ALPK2: variants seen among roughly 807,000 people sequenced by gnomAD.
ALPK2 encodes the protein alpha-protein kinase 2.
In ALPK2, 127 loss-of-function variants were observed where a neutral mutation model predicts 163.1. The observed-to-expected ratio is 0.78, with a 90% CI of 0.67 to 0.90. The LOEUF (loss-of-function observed/expected upper bound fraction) is 0.90, where lower values mean the gene tolerates loss of function less well. Ranked by LOEUF, ALPK2 falls within the 40% of genes least tolerant of loss-of-function variation. The probability of loss-of-function intolerance (pLI) is 0.00; values close to 1 mark genes in which losing one functional copy is unlikely to be tolerated. For missense variants in ALPK2, 2,360 were observed against 2,589.6 expected, an observed-to-expected ratio of 0.91 and a Z score of 1.92; for synonymous variants, 953 against 959.1, an observed-to-expected ratio of 0.99 and a Z score of 0.12.
Position 58,536,923 on chromosome 18 carries a change from C to A in ALPK2, c.3264G>T (p.Gln1088His). 1 of 1,614,218 alleles carries A rather than the reference C, an allele frequency of 6.2e-7. No homozygotes were observed. The highest frequency in any genetic ancestry group is 8.5e-7 in the Non-Finnish European group (1 of 1,180,028). The change falls in exon 5 of 13, where the codon CAG (glutamine) becomes CAT (histidine). Residue 1088 changes from glutamine (Q) to histidine (H), a missense_variant. By Grantham distance (24) the Gln-to-His change is conservative. Transcript: ENST00000361673. ...SVPGVPHHVL[Q>H]LPEGEGFCSN... ...TGCAGAAACCCTCTCCCTCTGGGAG[C>A]TGCAGGACATGGTGTGGGACTCCTG...
At chr18:58,547,572 G>A (rs899094732) in intron 4 of ALPK2, among the ~76,000 whole-genome samples, 1 of 152,262 alleles carries the variant, frequency 6.6e-6, no homozygotes, top group African/African-American at 2.4e-5. Flanking sequence ...GTCCAAGCCA[G>A]TGAAAATCAT....
intron 3 of ALPK2, among the ~76,000 whole-genome samples, chr18:58,599,036 T>C (rs1013627436): frequency 6.6e-6 from 1 of 152,092 alleles, no homozygotes; most frequent in Non-Finnish European, 1.5e-5. Flanking sequence ...GGCTCTTGGA[T>C]CAACCTGTCA....
chr18:58,514,948 CCAA>C (rs1402797782), intron 10 of ALPK2, 42 bp downstream of exon 10: 6 of 1,500,172 alleles, frequency 4.0e-6, no homozygotes, highest in East Asian at 2.3e-5. Context: ...CTCCTAGTCC[CCAA>C]CGAGTCAGGA....
In ALPK2 at chr18:58,527,035, C is replaced by T. The variant is rs149988752; in HGVS notation, c.5501+2056G>A. 4.6e-5 allele frequency among the ~76,000 whole-genome samples: 7 copies of T among 151,308 alleles called. No individual in the cohort carries two copies. The East Asian group carries it at 5.8e-4, about 13-fold the overall frequency. On this transcript the variant is annotated intron_variant, in intron 6 of 12. Transcript: ENST00000361673. ...TTATATCTATTTCAAAATGTATTTC[C>T]GCATTCCTTTGCCTGATGGACTATC... is the stretch of plus-strand genomic sequence containing the variant.
At chr18:58,492,951 C>T (rs1201713295) in intron 12 of ALPK2, among the ~76,000 whole-genome samples, 1 of 152,146 alleles carries the variant, frequency 6.6e-6, no homozygotes, top group Non-Finnish European at 1.5e-5. Flanking sequence ...CCAAAAACTG[C>T]GAAAATCACC....
At chr18:58,565,775 CTTT>C (rs1568087071) in intron 4 of ALPK2, among the ~76,000 whole-genome samples, 32 of 110,198 alleles carry the variant, frequency 2.9e-4, no homozygotes, top group African/African-American at 8.8e-4. Flanking sequence ...TCCTTCCTTT[CTTT>C]CTTTCTTTCT....
intron 8 of ALPK2, among the ~76,000 whole-genome samples, chr18:58,520,668 T>C (rs2051545646): frequency 6.6e-6 from 1 of 152,164 alleles, no homozygotes; most frequent in Admixed American, 6.5e-5. Context: ...TAAAACAAAA[T>C]AACATCATTA....
chr18:58,576,418 T>G (rs990425920), intron 4 of ALPK2, among the ~76,000 whole-genome samples: 1 of 152,184 alleles, frequency 6.6e-6, no homozygotes, highest in African/African-American at 2.4e-5. Context: ...TTGCTATGAC[T>G]ACCAACCCAG....
intron 11 of ALPK2, among the ~76,000 whole-genome samples, chr18:58,499,733 C>T (rs1254557767): frequency 6.6e-6 from 1 of 152,278 alleles, no homozygotes; most frequent in East Asian, 1.9e-4. Flanking sequence ...GCCCCTGCCT[C>T]TTGGGCTCCA....
At chr18:58,577,756 C>CT (rs776093898) in intron 4 of ALPK2, among the ~76,000 whole-genome samples, 4 of 152,252 alleles carry the variant, frequency 2.6e-5, no homozygotes, top group Admixed American at 2.6e-4. Flanking sequence ...TTTAGATTGG[C>CT]TTTTTTATGA....
At chr18:58,621,278 C>CTT (rs142114746) in intron 1 of ALPK2, among the ~76,000 whole-genome samples, 2 of 143,824 alleles carry the variant, frequency 1.4e-5, no homozygotes, top group Non-Finnish European at 1.5e-5. Context: ...TGATCACTTT[C>CTT]TTTTTTTTTT....
At chr18:58,533,062 C>G (rs894932248) in intron 5 of ALPK2, among the ~76,000 whole-genome samples, 26 of 152,216 alleles carry the variant, frequency 1.7e-4, no homozygotes, top group African/African-American at 5.5e-4. Flanking sequence ...TTGTCTCTAC[C>G]CCGTAGTCTC....
At chr18:58,528,781 A>T in intron 6 of ALPK2, 1 of 337,924 alleles carries the variant, frequency 3.0e-6, no homozygotes, top group Non-Finnish European at 5.6e-6. Context: ...TCTTAGGACC[A>T]CAGAACCTCA....
At chr18:58,584,151 GT>G (rs1422356907) in intron 3 of ALPK2, among the ~76,000 whole-genome samples, 2 of 152,222 alleles carry the variant, frequency 1.3e-5, no homozygotes, top group African/African-American at 4.8e-5. Flanking sequence ...ACATGTTTTA[GT>G]TGATAAGAGA....
At chr18:58,555,487 G>C (rs2051785580) in intron 4 of ALPK2, among the ~76,000 whole-genome samples, 1 of 152,210 alleles carries the variant, frequency 6.6e-6, no homozygotes, top group Admixed American at 6.5e-5. Context: ...CTTGTTCCAA[G>C]CTGTCCGAAG....
chr18:58,546,528 C>G (rs973642791), intron 4 of ALPK2, among the ~76,000 whole-genome samples: 2 of 152,260 alleles, frequency 1.3e-5, no homozygotes, highest in South Asian at 4.1e-4. Context: ...AATTGCTAAT[C>G]CCTACAGCCT....
chr18:58,553,319 G>A (rs1351986036), intron 4 of ALPK2, among the ~76,000 whole-genome samples: 9 of 152,228 alleles, frequency 5.9e-5, no homozygotes, highest in South Asian at 2.1e-4. Flanking sequence ...AAGACACTGC[G>A]GAATTAGAAC....
chr18:58,538,983 G>A (rs1262631048), intron 4 of ALPK2, among the ~76,000 whole-genome samples: 2 of 151,914 alleles, frequency 1.3e-5, no homozygotes, highest in African/African-American at 4.8e-5. Flanking sequence ...GCAGACTGAG[G>A]CCCTCACCAG....
chr18:58,567,813 C>A (rs1366350411), intron 4 of ALPK2, among the ~76,000 whole-genome samples: 1 of 152,188 alleles, frequency 6.6e-6, no homozygotes, highest in Non-Finnish European at 1.5e-5. Flanking sequence ...TCAAATGCAG[C>A]CTGCCCTCAG....
Sources: allele counts gnomAD v4.1 joint callset (sites outside exome capture counted in the v4.1 genomes callset), GRCh38; gene constraint gnomAD v4.1.1; transcripts MANE v1.5; gene names NCBI Gene and HGNC (gene_info 2026-07-23, HGNC 2026-07-21).